Variants in NELL1 observed in about 807,000 individuals in gnomAD.
NELL1 encodes the protein neural EGFL like 1, also known as protein kinase C-binding protein NELL1.
A neutral mutation model predicts 107.4 loss-of-function variants in NELL1; 76 were observed. That is an observed-to-expected ratio of 0.71 (90% CI 0.59 to 0.86). The LOEUF is 0.86. NELL1 is among the 40% of genes least tolerant of loss of function. The pLI is 0.00. For missense variants in NELL1, 1,024 were observed against 1,005.5 expected, an observed-to-expected ratio of 1.02 and a Z score of -0.25; for synonymous variants, 353 against 341.2, an observed-to-expected ratio of 1.03 and a Z score of -0.38.
intron 12 of NELL1, among the ~76,000 whole-genome samples, chr11:21,103,418 G>A (rs149737157): frequency 1.9e-4 from 29 of 152,296 alleles, no homozygotes; most frequent in African/African-American, 6.7e-4. Context: ...GCACAACAGA[G>A]TAGATGCCAG....
At chr11:21,161,135 T>G (rs926230443) in intron 13 of NELL1, among the ~76,000 whole-genome samples, 4 of 152,118 alleles carry the variant, frequency 2.6e-5, no homozygotes, top group African/African-American at 9.7e-5. Flanking sequence ...AGAGCTCATC[T>G]CAAAGCACCT....
In NELL1 at chr11:20,964,806, C is replaced by T. The variant is rs543367516; in HGVS notation, c.1300+4246C>T. On this transcript the variant is annotated intron_variant, in intron 12 of 19. Coordinates refer to ENST00000357134, the MANE Select transcript of NELL1 (RefSeq NM_006157.5). Reference sequence around the variant, plus strand: ...AAGGAGCTTTTGCAGAATTCCACATCGTTCTCTTTTCTCTCTGAAACAAAA... The same window carrying T: ...AAGGAGCTTTTGCAGAATTCCACATTGTTCTCTTTTCTCTCTGAAACAAAA... 6.0e-4 allele frequency among the ~76,000 whole-genome samples: 92 copies of T among 152,266 alleles called. 1 individual carries two copies. The highest frequency in any genetic ancestry group is 1.2e-3 in the Non-Finnish European group (82 of 68,034).
At chr11:20,683,359 A>T (rs532258367) in intron 2 of NELL1, among the ~76,000 whole-genome samples, 20 of 152,120 alleles carry the variant, frequency 1.3e-4, no homozygotes, top group African/African-American at 4.6e-4. Flanking sequence ...CAGATTTGTT[A>T]TATGGGTAAA....
At chr11:21,055,648 A>AT (rs1853596343) in intron 12 of NELL1, among the ~76,000 whole-genome samples, 1 of 151,958 alleles carries the variant, frequency 6.6e-6, no homozygotes, top group South Asian at 2.1e-4. Context: ...CGACGGTTTT[A>AT]TTTTTTGACT....
chr11:21,073,199 A>G (rs1056681410), intron 12 of NELL1, among the ~76,000 whole-genome samples: 2 of 152,146 alleles, frequency 1.3e-5, no homozygotes, highest in Non-Finnish European at 2.9e-5. Context: ...CAGCTCTAGC[A>G]TTTTGTAAAT....
At chr11:20,674,652 A>G (rs1854006075) in intron 1 of NELL1, 1 of 816,320 alleles carries the variant, frequency 1.2e-6, no homozygotes, top group African/African-American at 1.7e-5. Flanking sequence ...GCACAGGGTT[A>G]GTAGAGGGAA....
Position 21,498,333 on chromosome 11 carries a change from T to TTATATATATATATATATA in NELL1, c.1646-36027_1646-36026insTATATATATATATATATA, listed in dbSNP as rs34418018. 4.2e-4 allele frequency among the ~76,000 whole-genome samples: 48 copies of TTATATATATATATATATA among 113,702 alleles called. No individual in the cohort carries two copies. In the East Asian group the frequency reaches 7.0e-3, roughly 17 times the overall value. 74.6% of individuals were successfully genotyped at this position (113,702 alleles called of 152,430 possible). Reference sequence around the variant, plus strand: ...ATTTTGCTACACATCCATAAACATATTATATATATATATACATATATATAT... The same window carrying TTATATATATATATATATA: ...ATTTTGCTACACATCCATAAACATATTATATATATATATATATATATATATATATATACATATATATAT... On this transcript the variant is annotated intron_variant, in intron 15 of 19. Coordinates refer to ENST00000357134, the MANE Select transcript of NELL1 (RefSeq NM_006157.5).
intron 4 of NELL1, among the ~76,000 whole-genome samples, chr11:20,872,222 G>A (rs1244031656): frequency 6.7e-6 from 1 of 148,328 alleles, no homozygotes; most frequent in Non-Finnish European, 1.5e-5. Flanking sequence ...TGCCTAGGCT[G>A]GAGTGCAGTG....
chr11:20,897,728 A>G (rs1186363403), intron 5 of NELL1, among the ~76,000 whole-genome samples: 3 of 152,238 alleles, frequency 2.0e-5, no homozygotes, highest in African/African-American at 4.8e-5. Context: ...CAAGAAAAAA[A>G]CAAACAACCC....
At chr11:21,529,679 A>G (rs1855947926) in intron 15 of NELL1, among the ~76,000 whole-genome samples, 1 of 152,194 alleles carries the variant, frequency 6.6e-6, no homozygotes, top group African/African-American at 2.4e-5. Context: ...GGTTCCAGAA[A>G]TAATCTCTTA....
At chr11:21,334,322 C>A (rs1590846090) in intron 14 of NELL1, among the ~76,000 whole-genome samples, 2 of 151,854 alleles carry the variant, frequency 1.3e-5, no homozygotes, top group Admixed American at 1.3e-4. Context: ...AGCCAATAGG[C>A]AAAATGGAAC....
chr11:20,720,721 A>C (rs916098935), intron 2 of NELL1, among the ~76,000 whole-genome samples: 1 of 151,734 alleles, frequency 6.6e-6, no homozygotes, highest in Admixed American at 6.6e-5. Flanking sequence ...TCTTCTCTCT[A>C]TGTCTCTTCA....
chr11:21,056,132 G>A (rs1471501073), intron 12 of NELL1, among the ~76,000 whole-genome samples: 1 of 152,106 alleles, frequency 6.6e-6, no homozygotes, highest in Non-Finnish European at 1.5e-5. Context: ...CCAGTAATTT[G>A]CCCAGATCAC....
At chr11:21,048,919 T>C (rs1378685460) in intron 12 of NELL1, among the ~76,000 whole-genome samples, 1 of 152,138 alleles carries the variant, frequency 6.6e-6, no homozygotes, top group Non-Finnish European at 1.5e-5. Flanking sequence ...AAGCACACTC[T>C]GACTTGGAGA....
At chr11:20,712,534 G>A (rs975329508) in intron 2 of NELL1, among the ~76,000 whole-genome samples, 6 of 152,088 alleles carry the variant, frequency 3.9e-5, no homozygotes, top group African/African-American at 1.4e-4. Flanking sequence ...GTGATCTTTT[G>A]GGGGTGTTAT....
At chr11:21,534,741 G>C (rs904634621) in intron 16 of NELL1, among the ~76,000 whole-genome samples, 15 of 152,112 alleles carry the variant, frequency 9.9e-5, no homozygotes, top group African/African-American at 3.6e-4. Context: ...CAAAACCTGG[G>C]TCTATATGTT....
At chr11:21,493,238 T>G (rs1854878563) in intron 15 of NELL1, among the ~76,000 whole-genome samples, 1 of 152,032 alleles carries the variant, frequency 6.6e-6, no homozygotes. Context: ...TACGGGGTAT[T>G]TATCCAAAAG....
intron 13 of NELL1, among the ~76,000 whole-genome samples, chr11:21,161,002 C>CACAT (rs773832847): frequency 5.2e-4 from 21 of 40,078 alleles, no homozygotes; most frequent in African/African-American, 2.1e-3. Context: ...AGCCTTTATA[C>CACAT]ACACACACAC....
intron 2 of NELL1, among the ~76,000 whole-genome samples, chr11:20,749,957 A>G (rs1856095591): frequency 6.6e-6 from 1 of 151,966 alleles, no homozygotes; most frequent in Non-Finnish European, 1.5e-5. Context: ...ATTTTGGGTA[A>G]ATATTTAGGA....
Sources: allele counts gnomAD v4.1 joint callset (sites outside exome capture counted in the v4.1 genomes callset), GRCh38; gene constraint gnomAD v4.1.1; transcripts MANE v1.5; gene names NCBI Gene and HGNC (gene_info 2026-07-23, HGNC 2026-07-21).